The following PLXNA4 variants were observed in gnomAD, a reference collection of about 807,000 sequenced individuals.
PLXNA4 encodes plexin-A4.
In PLXNA4, 44 loss-of-function variants were observed where a neutral mutation model predicts 191.8. The ratio of observed to expected loss-of-function variants is 0.23; its 90% CI spans 0.18 to 0.29. The LOEUF is 0.29. PLXNA4 is among the 10% of genes least tolerant of loss of function. The pLI, the probability that PLXNA4 is intolerant of heterozygous loss-of-function variation, is 1.00. For synonymous variants in PLXNA4, 1,082 were observed against 1,009.5 expected, an observed-to-expected ratio of 1.07 and a Z score of -1.36; for missense variants, 1,800 against 2,488.8, an observed-to-expected ratio of 0.72 and a Z score of 5.89.
chr7:132,507,195 G>A (rs768149954), intron 2 of PLXNA4, among the ~76,000 whole-genome samples: 5 of 152,108 alleles, frequency 3.3e-5, no homozygotes, highest in East Asian at 1.9e-4. Context: ...CGGTCCCTAC[G>A]ACATCCATTT....
rs147763531 is a variant in PLXNA4, at chr7:132,327,318, T to C, written c.1372-29096A>G. 4.9e-4 allele frequency among the ~76,000 whole-genome samples: 75 copies of C among 152,310 alleles called. 1 individual carries two copies. In the East Asian group the frequency reaches 0.014, roughly 29 times the overall value. ...ACATTTCCAGGGGTAGGTTGCAATC[T>C]AAGGGTCAGAAGTACTGAGAAATAA... is the stretch of plus-strand genomic sequence containing the variant. On this transcript the variant is annotated intron_variant, in intron 3 of 31. Transcript: ENST00000321063.
intron 3 of PLXNA4, among the ~76,000 whole-genome samples, chr7:132,427,553 G>A (rs1489874154): frequency 6.6e-6 from 1 of 152,188 alleles, no homozygotes; most frequent in East Asian, 1.9e-4. Flanking sequence ...AATTGAACCT[G>A]GGCTAGCTCC....
chr7:132,576,409 G>A lies in PLXNA4; in HGVS notation c.-87+13C>T. On this transcript the variant is annotated intron_variant, in intron 1 of 31. Coordinates refer to ENST00000321063, the MANE Select transcript of PLXNA4 (RefSeq NM_020911.2). The surrounding 1 kb of genome is among the most constrained non-coding windows in gnomAD (Gnocchi z 5.8). ...CCCGCCCGGCCCCACTCCCCGGCGG[G>A]CCGGCTCCTTACCTGGACGCGCCGC... The A allele has an allele frequency of 1.0e-6, 1 of 985,888 alleles. No individual in the cohort carries two copies. The highest frequency in any genetic ancestry group is 1.2e-6 in the Non-Finnish European group (1 of 830,018). 61.1% of individuals were successfully genotyped at this position (985,888 alleles called of 1,614,324 possible). A position where few individuals can be genotyped will look rare whatever the true frequency, so the allele number is the denominator to read the frequency against.
intron 1 of PLXNA4, among the ~76,000 whole-genome samples, chr7:132,517,433 C>T (rs1459395463): frequency 6.6e-6 from 1 of 152,186 alleles, no homozygotes; most frequent in Non-Finnish European, 1.5e-5. Flanking sequence ...GATTCGTGCA[C>T]CCACCAGGAA....
At chr7:132,518,040 A>C (rs1256376316) in intron 1 of PLXNA4, among the ~76,000 whole-genome samples, 1 of 152,032 alleles carries the variant, frequency 6.6e-6, no homozygotes, top group Non-Finnish European at 1.5e-5. Context: ...GGGAGCCATG[A>C]ATTATTTTAC....
intron 3 of PLXNA4, among the ~76,000 whole-genome samples, chr7:132,470,427 A>G (rs900078618): frequency 3.3e-5 from 5 of 152,202 alleles, no homozygotes; most frequent in Non-Finnish European, 5.9e-5. Flanking sequence ...CCAAAATGCC[A>G]TCCCCCAAAC....
Position 132,211,256 on chromosome 7 carries a change from C to T in PLXNA4, c.2098-113G>A, listed in dbSNP as rs899483589. 6.9e-6 allele frequency: 8 copies of T among 1,153,274 alleles called. No homozygotes were observed. In the African/African-American group the frequency reaches 1.1e-4, roughly 15 times the overall value. 71.4% of individuals were successfully genotyped at this position (1,153,274 alleles called of 1,614,324 possible). Reference sequence around the variant, plus strand: ...CTCCACCCTTCCATGGACACACCCACAGGCGACCCCTGAGGTGCTCGTGCC... The same window carrying T: ...CTCCACCCTTCCATGGACACACCCATAGGCGACCCCTGAGGTGCTCGTGCC... On this transcript the variant is annotated intron_variant, in intron 9 of 31. Coordinates refer to ENST00000321063, the MANE Select transcript of PLXNA4 (RefSeq NM_020911.2).
chr7:132,418,170 T>C (rs1181996141), intron 3 of PLXNA4, among the ~76,000 whole-genome samples: 1 of 152,144 alleles, frequency 6.6e-6, no homozygotes, highest in Non-Finnish European at 1.5e-5. Flanking sequence ...GTATGTTTTA[T>C]CTTATTTTTT....
At chr7:132,439,460 A>G (rs75834093) in intron 3 of PLXNA4, among the ~76,000 whole-genome samples, 16 of 151,388 alleles carry the variant, frequency 1.1e-4, no homozygotes, top group Admixed American at 4.6e-4. Context: ...ATATCCATAC[A>G]TACATGTGCA....
intron 1 of PLXNA4, among the ~76,000 whole-genome samples, chr7:132,561,640 T>C (rs1416983394): frequency 6.4e-3 from 419 of 64,976 alleles, no homozygotes; most frequent in East Asian, 0.011. Context: ...TCCTCCTCCT[T>C]CTCCTCCTCT....
chr7:132,205,186 G>T (rs1797574237), intron 10 of PLXNA4, among the ~76,000 whole-genome samples: 1 of 152,144 alleles, frequency 6.6e-6, no homozygotes, highest in South Asian at 2.1e-4. Flanking sequence ...TCTGCAGCTG[G>T]GTCAGGCTGG....
intron 10 of PLXNA4, among the ~76,000 whole-genome samples, chr7:132,205,459 G>A (rs546055993): frequency 3.7e-4 from 57 of 152,276 alleles, no homozygotes; most frequent in African/African-American, 1.3e-3. Flanking sequence ...GGAGGGAGAA[G>A]GGTATAAGAG....
At position 132,182,747 on chromosome 7, in the gene PLXNA4, G is replaced by C. The variant is rs114657925; in HGVS notation, c.3159-557C>G. On this transcript the variant is annotated intron_variant, in intron 16 of 31. Coordinates refer to ENST00000321063, the MANE Select transcript of PLXNA4 (RefSeq NM_020911.2). Reference sequence around the variant, plus strand: ...AGGGTCCATGAATGCAAATGTGAATGCAAGTGCGAAATGCTTTTGGACTCG... The same window carrying C: ...AGGGTCCATGAATGCAAATGTGAATCCAAGTGCGAAATGCTTTTGGACTCG... 3.9e-3 allele frequency among the ~76,000 whole-genome samples: 601 copies of C among 152,328 alleles called. 6 individuals carry two copies. Among genetic ancestry groups the C allele is most frequent in the African/African-American group, 0.014 (570 of 41,566 alleles).
chr7:132,227,372 C>A, intron 7 of PLXNA4, 79 bp downstream of exon 7: 1 of 1,570,712 alleles, frequency 6.4e-7, no homozygotes, highest in East Asian at 2.3e-5. Flanking sequence ...TTGCTTTGAT[C>A]CCCCCACATC....
chr7:132,362,148 AG>A (rs1803968630), intron 3 of PLXNA4, among the ~76,000 whole-genome samples: 1 of 152,160 alleles, frequency 6.6e-6, no homozygotes, highest in South Asian at 2.1e-4. Context: ...GACCATTTAG[AG>A]GACTTTATAC....
intron 1 of PLXNA4, among the ~76,000 whole-genome samples, chr7:132,548,553 A>G (rs1403882696): frequency 2.0e-5 from 3 of 152,224 alleles, no homozygotes; most frequent in Non-Finnish European, 4.4e-5. Context: ...AAGGTTAGGC[A>G]TGTTCTCACC....
chr7:132,642,593 A>T (rs1803765469), intron 2 of PLXNA4, among the ~76,000 whole-genome samples: 1 of 151,998 alleles, frequency 6.6e-6, no homozygotes, highest in Non-Finnish European at 1.5e-5. Context: ...GGAGGGGGGA[A>T]CGACAGGGCA....
chr7:132,160,567 G>A (rs192033425), intron 24 of PLXNA4, among the ~76,000 whole-genome samples: 12 of 152,320 alleles, frequency 7.9e-5, no homozygotes, highest in Admixed American at 2.0e-4. Context: ...GGTGCTGTGC[G>A]TACTGGAGTA....
chr7:132,228,584 C>A, intron 5 of PLXNA4, 115 bp from the exon 6 acceptor site: 2 of 1,348,958 alleles, frequency 1.5e-6, no homozygotes, highest in Non-Finnish European at 2.0e-6. Flanking sequence ...ACTCAATGCG[C>A]CCAGAGCTAA....
Sources: allele counts gnomAD v4.1 joint callset (sites outside exome capture counted in the v4.1 genomes callset), GRCh38; gene constraint gnomAD v4.1.1; non-coding constraint Gnocchi (gnomAD v3.1); transcripts MANE v1.5; gene names NCBI Gene and HGNC (gene_info 2026-07-23, HGNC 2026-07-21).